The following BRINP1 variants were observed in gnomAD, a reference collection of about 807,000 sequenced individuals.
The protein encoded by BRINP1 is BMP/retinoic acid inducible neural specific 1.
Under a neutral mutation model 72.9 loss-of-function variants are expected in BRINP1, and 17 were observed. That is an observed-to-expected ratio of 0.23 (90% CI 0.16 to 0.35). The LOEUF (loss-of-function observed/expected upper bound fraction) is 0.35, where lower values mean the gene tolerates loss of function less well. Among genes scored for constraint, BRINP1 ranks in the 10% least tolerant of loss-of-function variants. The pLI is 1.00. For synonymous variants in BRINP1, 418 were observed against 378.5 expected, an observed-to-expected ratio of 1.10 and a Z score of -1.21; for missense variants, 850 against 1,001.6, an observed-to-expected ratio of 0.85 and a Z score of 2.04.
intron 2 of BRINP1, among the ~76,000 whole-genome samples, chr9:119,270,353 T>C (rs1830594957): frequency 6.6e-6 from 1 of 152,112 alleles, no homozygotes; most frequent in Non-Finnish European, 1.5e-5. Context: ...GATCACCCCG[T>C]GTTGAGAGTT....
At chr9:119,211,176 ATT>A (rs1829922880) in intron 6 of BRINP1, among the ~76,000 whole-genome samples, 1 of 127,972 alleles carries the variant, frequency 7.8e-6, no homozygotes, top group Non-Finnish European at 1.6e-5. Context: ...TTATTTATTT[ATT>A]TATTTATTTA....
chr9:119,363,188 A>T (rs1440651818), intron 1 of BRINP1, among the ~76,000 whole-genome samples: 1 of 152,142 alleles, frequency 6.6e-6, no homozygotes, highest in Non-Finnish European at 1.5e-5. Flanking sequence ...CTGCAGCCTC[A>T]ACCTCTCAGG....
At chr9:119,314,080 G>A (rs951412201) in intron 1 of BRINP1, among the ~76,000 whole-genome samples, 1 of 152,204 alleles carries the variant, frequency 6.6e-6, no homozygotes, top group African/African-American at 2.4e-5. Context: ...CTTCTGCAAC[G>A]TTCAATGGAA....
At chr9:119,330,776 C>T (rs1037885728) in intron 1 of BRINP1, among the ~76,000 whole-genome samples, 44 of 152,088 alleles carry the variant, frequency 2.9e-4, no homozygotes, top group African/African-American at 1.1e-3. Flanking sequence ...ACCTGTAATC[C>T]CAACACTTTG....
At chr9:119,363,487 C>T (rs183116087) in intron 1 of BRINP1, among the ~76,000 whole-genome samples, 145 of 152,302 alleles carry the variant, frequency 9.5e-4, no homozygotes, top group Middle Eastern at 6.8e-3. Context: ...AGCCTCAGTT[C>T]CAACATCACT....
At chr9:119,363,943 C>A (rs765847845) in intron 1 of BRINP1, among the ~76,000 whole-genome samples, 1 of 151,684 alleles carries the variant, frequency 6.6e-6, no homozygotes, top group African/African-American at 2.4e-5. Context: ...TCGTCTACAG[C>A]AATGTTTGGC....
In BRINP1 at chr9:119,167,882, G is replaced by T. The variant is rs746447427; in HGVS notation, c.1488C>A (p.Asp496Glu). 3 of 1,614,084 alleles carry T rather than the reference G, an allele frequency of 1.9e-6. No homozygotes were observed. In the Admixed American group the frequency reaches 5.0e-5, roughly 27 times the overall value. The stretch of plus-strand genomic sequence containing the variant: ...AGGTGGTGTGGACGTAGAGGCGTGA[G>T]TCCATCTTCTGCAGCAGGTACTTCA... ...LELKYLLQKM[D>E]SRLYVHTTFI... Residue 496 changes from aspartate to glutamate, a missense_variant, in exon 8 of 8, where the codon GAC becomes GAA. By Grantham distance (45) the Asp-to-Glu change is conservative. Coordinates refer to ENST00000265922, the MANE Select transcript of BRINP1 (RefSeq NM_014618.3). The surrounding 1 kb of genome is among the most constrained non-coding windows in gnomAD (Gnocchi z 4.3).
chr9:119,223,945 G>T (rs1830066007), intron 5 of BRINP1, among the ~76,000 whole-genome samples: 1 of 149,210 alleles, frequency 6.7e-6, no homozygotes, highest in Non-Finnish European at 1.5e-5. Context: ...CATTGCTATA[G>T]ATTATGATTC....
intron 7 of BRINP1, 75 bp downstream of exon 7, chr9:119,208,644 T>C: frequency 6.9e-7 from 1 of 1,453,892 alleles, no homozygotes; most frequent in South Asian, 1.2e-5. Flanking sequence ...CTGCATTGCA[T>C]TTCACTCTGC....
chr9:119,172,647 C>G (rs1300294957), intron 7 of BRINP1, among the ~76,000 whole-genome samples: 3 of 151,500 alleles, frequency 2.0e-5, no homozygotes, highest in Admixed American at 1.3e-4. Flanking sequence ...CAGCATCATT[C>G]TGATACCAAA....
chr9:119,222,518 T>C (rs1307101918), intron 5 of BRINP1, among the ~76,000 whole-genome samples: 1 of 152,058 alleles, frequency 6.6e-6, no homozygotes. Context: ...CTGACTTTTC[T>C]ATGATTCTGC....
intron 2 of BRINP1, among the ~76,000 whole-genome samples, chr9:119,300,742 T>C (rs377627029): frequency 7.2e-5 from 11 of 152,366 alleles, no homozygotes; most frequent in African/African-American, 2.6e-4. Context: ...ACACTCTGGC[T>C]TATATCCCTA....
rs114377275 is a variant in BRINP1, at chr9:119,290,246, A to G, written c.218+22892T>C. 8.1e-3 allele frequency among the ~76,000 whole-genome samples: 1,227 copies of G among 152,350 alleles called. 14 individuals are homozygous for G. Among genetic ancestry groups the G allele is most frequent in the African/African-American group, 0.029 (1,185 of 41,568 alleles). On this transcript the variant is annotated intron_variant, in intron 2 of 7. Transcript: ENST00000265922. ...AAGGGTGCTCCCCAACCCTAAGGCAATAAACAGTGGTGAATTATGCAACCT... is the reference window on the plus strand; with the variant it reads ...AAGGGTGCTCCCCAACCCTAAGGCAGTAAACAGTGGTGAATTATGCAACCT...
intron 1 of BRINP1, among the ~76,000 whole-genome samples, chr9:119,333,492 A>C (rs1405848942): frequency 6.6e-6 from 1 of 151,794 alleles, no homozygotes; most frequent in Non-Finnish European, 1.5e-5. Flanking sequence ...AAAGTTCTTA[A>C]AATATTTCTA....
At position 119,208,837 on chromosome 9, in the gene BRINP1, T is replaced by G. The variant is rs576265044; in HGVS notation, c.1027A>C (p.Lys343Gln). Reference protein sequence around the residue: ...GNDWDLQNRYKLLQSATEAQR... With the variant: ...GNDWDLQNRYQLLQSATEAQR... ...GCCTCCGTGGCACTCTGCAGGAGCT[T>G]GTAGCGGTTCTGCAGGTCCCAGTCA... is the stretch of plus-strand genomic sequence containing the variant. The change falls in exon 7 of 8, where the codon AAG becomes CAG. Residue 343 changes from lysine to glutamine, a missense_variant. Lys to Gln is a moderately conservative substitution (Grantham distance 53, BLOSUM62 1). Coordinates refer to ENST00000265922, the MANE Select transcript of BRINP1 (RefSeq NM_014618.3). 1 of 1,614,130 alleles carries G rather than the reference T, an allele frequency of 6.2e-7. No individual in the cohort carries two copies. Among genetic ancestry groups the G allele is most frequent in the Admixed American group, 1.7e-5 (1 of 60,020 alleles).
At chr9:119,360,939 T>A (rs950823062) in intron 1 of BRINP1, among the ~76,000 whole-genome samples, 1 of 152,210 alleles carries the variant, frequency 6.6e-6, no homozygotes, top group African/African-American at 2.4e-5. Context: ...ACCTTATCAA[T>A]CTACCTGCCA....
At chr9:119,277,634 C>T (rs983207809) in intron 2 of BRINP1, among the ~76,000 whole-genome samples, 15 of 152,104 alleles carry the variant, frequency 9.9e-5, no homozygotes, top group Non-Finnish European at 2.1e-4. Context: ...TATAAGGCCC[C>T]GATTAAGTAG....
intron 2 of BRINP1, among the ~76,000 whole-genome samples, chr9:119,256,782 C>T (rs552040649): frequency 1.4e-4 from 22 of 152,160 alleles, no homozygotes; most frequent in Non-Finnish European, 1.9e-4. Context: ...GTCTATAGGG[C>T]GCACTGGATA....
At chr9:119,354,723 G>T (rs942470928) in intron 1 of BRINP1, among the ~76,000 whole-genome samples, 1 of 151,964 alleles carries the variant, frequency 6.6e-6, no homozygotes, top group African/African-American at 2.4e-5. Flanking sequence ...ATAAAAACTT[G>T]CCAGGTGTGG....
Sources: gnomAD v4.1 joint callset for allele counts (sites outside exome capture counted in the v4.1 genomes callset) on GRCh38, gnomAD v4.1.1 for gene constraint, Gnocchi (gnomAD v3.1) non-coding constraint, MANE v1.5 for transcripts, NCBI Gene and HGNC (gene_info 2026-07-23, HGNC 2026-07-21) for gene names.